The following ZNF850 variants were observed in gnomAD, a reference collection of about 807,000 sequenced individuals.
ZNF850 encodes putative zinc finger protein ENSP00000330994.
ZNF850 carries 2 observed loss-of-function variants against 11.9 expected under a neutral mutation model. That is an observed-to-expected ratio of 0.17 (90% confidence interval 0.07 to 0.53). The LOEUF is 0.53. Ranked by LOEUF, ZNF850 falls within the 20% of genes least tolerant of loss-of-function variation. ZNF850 has a pLI of 0.94. For missense variants in ZNF850, 1,014 were observed against 1,316.4 expected (o/e 0.77, Z 3.55); for synonymous variants, 381 against 443.0 (o/e 0.86, Z 1.76).
chr19:36,754,209 T>TA (rs1202578500), intron 4 of ZNF850, among the ~76,000 whole-genome samples: 1 of 149,090 alleles, frequency 6.7e-6, no homozygotes, highest in Non-Finnish European at 1.5e-5. Flanking sequence ...CATCACTAAT[T>TA]ATAAGGAATG....
In ZNF850 at chr19:36,748,303, T is replaced by C; in HGVS notation, c.2737A>G (p.Thr913Ala). ...GKAFRRRSKL[T>A]QHQRIHTGEK... is the part of the protein sequence containing the mutation. ...CCAGTATGGATTCGTTGATGTTGAG[T>C]AAGTTTTGAACGACGTCTAAAGGCC... Residue 913 changes from threonine (T) to alanine (A), a missense_variant, in exon 5 of 5, where the codon ACT becomes GCT. By Grantham distance (58) the Thr-to-Ala change is moderately conservative (BLOSUM62 0). Coordinates refer to ENST00000591344, the MANE Select transcript of ZNF850 (RefSeq NM_001193552.2). 3 of 1,579,080 alleles carry C rather than the reference T, an allele frequency of 1.9e-6. No individual in the cohort carries two copies. Among genetic ancestry groups the C allele is most frequent in the Non-Finnish European group, 2.6e-6 (3 of 1,165,944 alleles).
chr19:36,757,302 G>A (rs2040492229), intron 4 of ZNF850, among the ~76,000 whole-genome samples: 1 of 152,060 alleles, frequency 6.6e-6, no homozygotes, highest in South Asian at 2.1e-4. Context: ...AAATGAATGT[G>A]CAGATGGTTG....
At position 36,746,944 on chromosome 19, in the gene ZNF850, A is replaced by G. The variant is rs2040414839; in HGVS notation, c.*823T>C. ...GAGGTAGGGGGATCACGAGGTCAAA[A>G]GTTTGAGACCACCCTGACCAACACA... On this transcript the variant is annotated 3_prime_UTR_variant, in exon 5 of 5. Coordinates refer to ENST00000591344, the MANE Select transcript of ZNF850 (RefSeq NM_001193552.2). 6.6e-6 allele frequency: 1 copy of G among 151,864 alleles called. No homozygotes were observed. Among genetic ancestry groups the G allele is most frequent in the Admixed American group, 6.6e-5 (1 of 15,248 alleles). 9.4% of individuals were successfully genotyped at this position (151,864 alleles called of 1,614,324 possible). A position where few individuals can be genotyped will look rare whatever the true frequency, so the allele number is the denominator to read the frequency against.
rs1266972743 is a variant in ZNF850, at chr19:36,747,769, A to T, written c.3271T>A (p.Ter1091LysextTer3). ...ATGAGAACAGTTTCCTACATTAATT[A>T]TGTTAGGTCATGAATTCTCTGATGT... ...TRHQRIHDLT[*>K] The change falls in exon 5 of 5, where the codon TAA (stop) becomes AAA (lysine). Residue 1091 changes from the stop codon to lysine (K), a stop_lost. Coordinates refer to ENST00000591344, the MANE Select transcript of ZNF850 (RefSeq NM_001193552.2). 1 of 1,503,398 alleles carries T rather than the reference A, an allele frequency of 6.7e-7. No individual in the cohort carries two copies. Among genetic ancestry groups the T allele is most frequent in the Non-Finnish European group, 8.9e-7 (1 of 1,129,492 alleles). The allele number at this position is 1,503,398 out of a possible 1,614,324, so 93.1% of individuals were successfully genotyped here. A position where few individuals can be genotyped will look rare whatever the true frequency, so the allele number is the denominator to read the frequency against.
At position 36,743,670 on chromosome 19, in the gene ZNF850, T is replaced by C. The variant is rs2040394793; in HGVS notation, c.*4097A>G. 6.6e-6 allele frequency: 1 copy of C among 152,014 alleles called. No homozygotes were observed. 9.4% of individuals were successfully genotyped at this position (152,014 alleles called of 1,614,324 possible). A position where few individuals can be genotyped will look rare whatever the true frequency, so the allele number is the denominator to read the frequency against. ...CAGAAAAAATATCCCAATCATATTA[T>C]AAACAAAAGCCATTAAGTATCTAGA... On this transcript the variant is annotated 3_prime_UTR_variant, in exon 5 of 5. Coordinates refer to ENST00000591344, the MANE Select transcript of ZNF850 (RefSeq NM_001193552.2).
chr19:36,767,549 C>T (rs561229849), intron 1 of ZNF850, among the ~76,000 whole-genome samples: 1 of 148,754 alleles, frequency 6.7e-6, no homozygotes, highest in South Asian at 2.1e-4. Context: ...ACGAGTGAAA[C>T]TCTATCTCAA....
chr19:36,748,728 G>A lies in ZNF850; in HGVS notation c.2312C>T (p.Thr771Ile). The change falls in exon 5 of 5, where the codon ACA becomes ATA. Residue 771 changes from threonine to isoleucine, a missense_variant. Thr to Ile is a moderately conservative substitution (Grantham distance 89, BLOSUM62 -1). Transcript: ENST00000591344. ...GTGTATTTGCTGATGTTGAATTAGTGTTGAGTGAGAAGTAAAAGATTTCCC... is the reference window on the plus strand; with the variant it reads ...GTGTATTTGCTGATGTTGAATTAGTATTGAGTGAGAAGTAAAAGATTTCCC... The part of the protein sequence containing the change: ...ECGKSFTSHS[T>I]LIQHQQIHTG... 6.5e-7 allele frequency: 1 copy of A among 1,541,184 alleles called. No homozygotes were observed. Among genetic ancestry groups the A allele is most frequent in the Non-Finnish European group, 8.7e-7 (1 of 1,148,522 alleles).
intron 1 of ZNF850, among the ~76,000 whole-genome samples, chr19:36,771,761 G>GACC (rs2040585727): frequency 6.6e-6 from 1 of 152,196 alleles, no homozygotes; most frequent in East Asian, 1.9e-4. Context: ...CCATTTCACA[G>GACC]ACCCTGGTCA....
intron 1 of ZNF850, among the ~76,000 whole-genome samples, chr19:36,765,835 C>T (rs1214359039): frequency 2.0e-5 from 3 of 152,146 alleles, no homozygotes; most frequent in Admixed American, 6.5e-5. Context: ...CGGCCCTCCT[C>T]GGCCTCCCAA....
chr19:36,753,920 T>C (rs1324007088), intron 4 of ZNF850, among the ~76,000 whole-genome samples: 1 of 152,068 alleles, frequency 6.6e-6, no homozygotes, highest in Non-Finnish European at 1.5e-5. Flanking sequence ...GGGCATCAGA[T>C]TTTTTTAAAA....
At chr19:36,771,286 G>A (rs1454067311) in intron 1 of ZNF850, among the ~76,000 whole-genome samples, 3 of 152,184 alleles carry the variant, frequency 2.0e-5, no homozygotes, top group Non-Finnish European at 4.4e-5. Flanking sequence ...AACTGGGAAG[G>A]GGAGGAACGT....
chr19:36,758,922 C>CA (rs5827966), intron 4 of ZNF850, among the ~76,000 whole-genome samples: 24 of 150,180 alleles, frequency 1.6e-4, no homozygotes, highest in South Asian at 1.5e-3. Context: ...ACTAAAAATA[C>CA]AAAAAAAAAA....
At position 36,747,089 on chromosome 19, in the gene ZNF850, T is replaced by G. The variant is rs2145952772; in HGVS notation, c.*678A>C. 6.5e-6 allele frequency: 1 copy of G among 152,782 alleles called. No individual in the cohort carries two copies. Among genetic ancestry groups the G allele is most frequent in the South Asian group, 2.1e-4 (1 of 4,844 alleles). The allele number at this position is 152,782 out of a possible 1,614,324, so 9.5% of individuals were successfully genotyped here. ...TCACTTGAACCCAGGAGGCAGAGGTTGCAGTGAGCCAAGATAGCACCACTG... is the reference window on the plus strand; with the variant it reads ...TCACTTGAACCCAGGAGGCAGAGGTGGCAGTGAGCCAAGATAGCACCACTG... On this transcript the variant is annotated 3_prime_UTR_variant, in exon 5 of 5. Coordinates refer to ENST00000591344, the MANE Select transcript of ZNF850 (RefSeq NM_001193552.2).
chr19:36,762,943 T>G (rs1234030041), intron 1 of ZNF850, among the ~76,000 whole-genome samples: 2 of 151,900 alleles, frequency 1.3e-5, no homozygotes, highest in Non-Finnish European at 2.9e-5. Context: ...CAGGCTGGAG[T>G]GCAGTGGCAT....
At position 36,750,556 on chromosome 19, in the gene ZNF850, G is replaced by A. The variant is rs1051799648; in HGVS notation, c.484C>T (p.Arg162Trp). Residue 162 changes from arginine (R) to tryptophan (W), a missense_variant, in exon 5 of 5, where the codon CGG (arginine) becomes TGG (tryptophan). Physicochemically the swap from Arg to Trp is moderately radical, Grantham distance 101. This residue lies in a region of ZNF850 where 835 missense variants were observed against 1,022.0 expected (regional missense o/e 0.82). Transcript: ENST00000591344. ...TACAGTTTCTCTCCAGGATGAATCC[G>A]ATGATGCAGAGTGAGAGATGTCTGT... is the stretch of plus-strand genomic sequence containing the variant. The part of the protein sequence containing the change: ...CLQTSLTLHH[R>W]IHPGEKLYKS... 1.1e-5 allele frequency: 17 copies of A among 1,536,024 alleles called. No individual in the cohort carries two copies. Among genetic ancestry groups the A allele is most frequent in the African/African-American group, 5.5e-5 (4 of 73,046 alleles).
chr19:36,750,147 T>G lies in ZNF850; in HGVS notation c.893A>C (p.Gln298Pro). Residue 298 changes from glutamine to proline, a missense_variant, in exon 5 of 5, where the codon CAA (glutamine) becomes CCA (proline). Coordinates refer to ENST00000591344, the MANE Select transcript of ZNF850 (RefSeq NM_001193552.2). ...CTCACCAGTGTGAATTTGCTGATGT[T>G]GATTTAGTGTTGAGCCAGAAGTAAA... ...KSFTSGSTLN[Q>P]HQQIHTGEKP... 1 of 1,538,752 alleles carries G rather than the reference T, an allele frequency of 6.5e-7. No homozygotes were observed. Among genetic ancestry groups the G allele is most frequent in the Non-Finnish European group, 8.7e-7 (1 of 1,146,952 alleles).
chr19:36,751,369 T>C (rs2040453036), intron 4 of ZNF850, among the ~76,000 whole-genome samples: 1 of 151,992 alleles, frequency 6.6e-6, no homozygotes, highest in Non-Finnish European at 1.5e-5. Context: ...TGTGTTAGCC[T>C]AGCCAAGATC....
intron 4 of ZNF850, among the ~76,000 whole-genome samples, chr19:36,755,235 T>G (rs1194345178): frequency 6.6e-6 from 1 of 152,184 alleles, no homozygotes; most frequent in Non-Finnish European, 1.5e-5. Context: ...AAATTCTTTT[T>G]CGGTTTTTTT....
chr19:36,750,874 A>G (rs1332738795), intron 4 of ZNF850, 70 bp from the exon 5 acceptor site: 2 of 1,400,116 alleles, frequency 1.4e-6, no homozygotes, highest in Non-Finnish European at 1.9e-6. Context: ...TCTATGGTAG[A>G]AAGGGGAGAC....
Sources: gnomAD v4.1 joint callset for allele counts (sites outside exome capture counted in the v4.1 genomes callset) on GRCh38, gnomAD v4.1.1 for gene constraint, gnomAD v4.1.1 regional missense constraint, MANE v1.5 for transcripts, NCBI Gene and HGNC (gene_info 2026-07-23, HGNC 2026-07-21) for gene names.